RPTOR: variants seen among roughly 807,000 people sequenced by gnomAD.
The protein encoded by RPTOR is regulatory-associated protein of mTOR.
In RPTOR, 21 loss-of-function variants were observed where a neutral mutation model predicts 169.9. The ratio of observed to expected loss-of-function variants is 0.12; its 90% confidence interval spans 0.09 to 0.18. The LOEUF is 0.18. RPTOR is among the 10% of genes least tolerant of loss of function. The pLI is 1.00. For missense variants in RPTOR, 1,133 were observed against 1,855.9 expected (o/e 0.61, Z 7.16); for synonymous variants, 732 against 753.2 (o/e 0.97, Z 0.46).
intron 29 of RPTOR, among the ~76,000 whole-genome samples, chr17:80,958,655 C>T (rs537777000): frequency 3.3e-5 from 5 of 152,104 alleles, no homozygotes; most frequent in East Asian, 1.9e-4. Flanking sequence ...CCTCGTGATC[C>T]GCCCACCTCA....
chr17:80,680,771 CAG>C (rs991525108), intron 3 of RPTOR, among the ~76,000 whole-genome samples: 1 of 152,024 alleles, frequency 6.6e-6, no homozygotes, highest in African/African-American at 2.4e-5. Flanking sequence ...TAGTTAGTGA[CAG>C]AGGAGAAATA....
At chr17:80,776,678 A>T (rs571759982) in intron 6 of RPTOR, among the ~76,000 whole-genome samples, 1 of 152,204 alleles carries the variant, frequency 6.6e-6, no homozygotes, top group Non-Finnish European at 1.5e-5. Context: ...CAAATCACAC[A>T]TATATGAAAG....
At chr17:80,814,762 C>T (rs545257102) in intron 7 of RPTOR, among the ~76,000 whole-genome samples, 32 of 152,178 alleles carry the variant, frequency 2.1e-4, no homozygotes, top group Non-Finnish European at 3.8e-4. Context: ...GTAGTCCTCA[C>T]TTTCAGAGCG....
At chr17:80,830,534 G>T (rs1224309649) in intron 9 of RPTOR, among the ~76,000 whole-genome samples, 1 of 152,206 alleles carries the variant, frequency 6.6e-6, no homozygotes, top group Non-Finnish European at 1.5e-5. Flanking sequence ...CCTTCTCACG[G>T]CGTCGGGCTG....
intron 3 of RPTOR, among the ~76,000 whole-genome samples, chr17:80,667,955 A>C (rs2065793149): frequency 6.6e-6 from 1 of 152,210 alleles, no homozygotes; most frequent in African/African-American, 2.4e-5. Context: ...TCAGCAACAA[A>C]AATGCCGTGG....
chr17:80,950,646 G>A (rs2069164060), intron 28 of RPTOR, among the ~76,000 whole-genome samples: 1 of 152,094 alleles, frequency 6.6e-6, no homozygotes, highest in South Asian at 2.1e-4. Flanking sequence ...CCTCTTCTGG[G>A]GTATGACAGC....
intron 5 of RPTOR, among the ~76,000 whole-genome samples, chr17:80,738,357 A>G (rs9890672): frequency 0.22 from 33,588 of 152,188 alleles, 3,759 homozygotes; most frequent in African/African-American, 0.23. Context: ...CTCTGTGCCC[A>G]TGCACCATCC....
chr17:80,772,556 C>T (rs1252064479), intron 6 of RPTOR, among the ~76,000 whole-genome samples: 1 of 147,240 alleles, frequency 6.8e-6, no homozygotes, highest in African/African-American at 2.5e-5. Context: ...CACCCCTACC[C>T]TCCCCGCCCT....
intron 13 of RPTOR, among the ~76,000 whole-genome samples, chr17:80,859,762 A>ATG (rs1230449207): frequency 6.6e-6 from 1 of 152,220 alleles, no homozygotes; most frequent in African/African-American, 2.4e-5. Flanking sequence ...TTGTGCGTGC[A>ATG]TGTGTGTGTG....
At chr17:80,877,415 T>TA (rs1425906172) in intron 13 of RPTOR, among the ~76,000 whole-genome samples, 1 of 152,238 alleles carries the variant, frequency 6.6e-6, no homozygotes, top group East Asian at 1.9e-4. Flanking sequence ...ATAATGACCG[T>TA]ATCAGAACAG....
chr17:80,709,437 G>A (rs1238894433), intron 4 of RPTOR, among the ~76,000 whole-genome samples: 1 of 152,114 alleles, frequency 6.6e-6, no homozygotes, highest in Non-Finnish European at 1.5e-5. Context: ...CGGCGAATCC[G>A]GGAGATCGCT....
intron 3 of RPTOR, among the ~76,000 whole-genome samples, chr17:80,669,117 C>T (rs1442527404): frequency 6.6e-6 from 1 of 152,230 alleles, no homozygotes; most frequent in Non-Finnish European, 1.5e-5. Flanking sequence ...CCTGCCCGTT[C>T]TGCTGGCTCA....
intron 6 of RPTOR, among the ~76,000 whole-genome samples, chr17:80,786,199 C>T (rs1269267634): frequency 4.6e-5 from 7 of 152,064 alleles, no homozygotes; most frequent in Admixed American, 3.3e-4. Context: ...TTATAGTGAC[C>T]GCCATTTGCT....
chr17:80,822,925 G>A (rs879035308), intron 8 of RPTOR, among the ~76,000 whole-genome samples, 154 bp from the exon 9 acceptor site: 2 of 152,158 alleles, frequency 1.3e-5, no homozygotes, highest in Admixed American at 6.5e-5. Flanking sequence ...GTGTGTGTAC[G>A]TGTGTGTTTA....
intron 13 of RPTOR, among the ~76,000 whole-genome samples, chr17:80,859,712 G>A (rs1386653677): frequency 6.6e-6 from 1 of 152,250 alleles, no homozygotes; most frequent in Admixed American, 6.5e-5. Flanking sequence ...GCCAGCTGCT[G>A]TGTGCACGTG....
chr17:80,953,354 C>T (rs1346658885), intron 28 of RPTOR, among the ~76,000 whole-genome samples: 2 of 152,234 alleles, frequency 1.3e-5, no homozygotes, highest in African/African-American at 4.8e-5. Context: ...ACTGCAGCCT[C>T]GACCTCTCAG....
rs1253699476 is a variant in RPTOR, at chr17:80,665,932, C to T, written c.348+22122C>T. Among the ~76,000 whole-genome samples, 5 of 152,254 alleles carry T rather than the reference C, an allele frequency of 3.3e-5. No homozygotes were observed. In the East Asian group the frequency reaches 7.7e-4, roughly 24 times the overall value. On this transcript the variant is annotated intron_variant, in intron 3 of 33. Coordinates refer to ENST00000306801, the MANE Select transcript of RPTOR (RefSeq NM_020761.3). ...AAGATGAAGGAAGTCTTGTTTGTCT[C>T]GTAACCCTGGAGGCCACTGAGTATC...
rs114437641 is a variant in RPTOR, at chr17:80,595,472, C to G, written c.163-30219C>G. Among the ~76,000 whole-genome samples, 1,263 of 152,276 alleles carry G rather than the reference C, an allele frequency of 8.3e-3. 24 individuals carry two copies. Among genetic ancestry groups the G allele is most frequent in the African/African-American group, 0.028 (1,167 of 41,558 alleles). On this transcript the variant is annotated intron_variant, in intron 1 of 33. Coordinates refer to ENST00000306801, the MANE Select transcript of RPTOR (RefSeq NM_020761.3). ...TTAGCAGACAGGGTTTTTCCCCCCC[C>G]TTAGATGGGGTCTCGCTCATTCGCC...
At position 80,823,394 on chromosome 17, in the gene RPTOR, G is replaced by A. The variant is rs560762168; in HGVS notation, c.1136+171G>A. 1.2e-6 allele frequency: 1 copy of A among 804,906 alleles called. No homozygotes were observed. The highest frequency in any genetic ancestry group is 1.9e-6 in the Non-Finnish European group (1 of 534,072). The allele number at this position is 804,906 out of a possible 1,614,324, so 49.9% of individuals were successfully genotyped here. Reference sequence around the variant, plus strand: ...GGCTCCCAGAGATCTCCACACAGAGGAGTGGGGGTCTCCTTCAGAGGGCAG... The same window carrying A: ...GGCTCCCAGAGATCTCCACACAGAGAAGTGGGGGTCTCCTTCAGAGGGCAG... On this transcript the variant is annotated intron_variant, in intron 9 of 33. Transcript: ENST00000306801. This position sits in a 1 kb window ranked among gnomAD's most constrained non-coding sequence, Gnocchi z 4.5.
Sources: gnomAD v4.1 joint callset for allele counts (sites outside exome capture counted in the v4.1 genomes callset) on GRCh38, gnomAD v4.1.1 for gene constraint, Gnocchi (gnomAD v3.1) non-coding constraint, MANE v1.5 for transcripts, NCBI Gene and HGNC (gene_info 2026-07-23, HGNC 2026-07-21) for gene names.